The following MYO1A variants were observed in gnomAD, a reference collection of about 807,000 sequenced individuals.
MYO1A encodes unconventional myosin-Ia.
Under a neutral mutation model 138.5 loss-of-function variants are expected in MYO1A, and 127 were observed. That is an observed-to-expected ratio of 0.92 (90% confidence interval 0.79 to 1.06). MYO1A has a LOEUF of 1.06. MYO1A is among the 50% of genes least tolerant of loss of function. The pLI, the probability that MYO1A is intolerant of heterozygous loss-of-function variation, is 0.00. For synonymous variants in MYO1A, 477 were observed against 497.5 expected (o/e 0.96, Z 0.55); for missense variants, 1,211 against 1,288.8 (o/e 0.94, Z 0.92).
intron 17 of MYO1A, 78 bp downstream of exon 17, chr12:57,038,334 T>C (rs566828791): frequency 1.0e-5 from 15 of 1,482,574 alleles, no homozygotes; most frequent in African/African-American, 1.4e-5. Flanking sequence ...CACCCCCACA[T>C]GGACGTGTTC....
chr12:57,029,417 C>G lies in MYO1A; in HGVS notation c.2877+18G>C. 1 of 1,614,118 alleles carries G rather than the reference C, an allele frequency of 6.2e-7. No homozygotes were observed. ...CCACCTTCTCCAGTCCAAGGCTTGCCCCACCCAGCTCTGATACCTCACTCA... is the reference window on the plus strand; with the variant it reads ...CCACCTTCTCCAGTCCAAGGCTTGCGCCACCCAGCTCTGATACCTCACTCA... On this transcript the variant is annotated intron_variant, in intron 26 of 27. Coordinates refer to ENST00000300119, the MANE Select transcript of MYO1A (RefSeq NM_005379.4).
chr12:57,029,966 C>T (rs1363267235), intron 24 of MYO1A, 94 bp from the exon 25 acceptor site: 4 of 1,578,758 alleles, frequency 2.5e-6, no homozygotes, highest in Non-Finnish European at 3.5e-6. Flanking sequence ...GGCCCTTCCC[C>T]CACATCCACG....
rs370659968 is a variant in MYO1A at position 57,046,992 on chromosome 12, G to T, written c.478-66C>A. 90 of 1,610,336 alleles carry T rather than the reference G, an allele frequency of 5.6e-5. No homozygotes were observed. The African/African-American group carries it at 9.2e-4, about 16-fold the overall frequency. On this transcript the variant is annotated intron_variant, in intron 6 of 27. Transcript: ENST00000300119. ...CTTCTCACCACCCTGCCTGGAAGGG[G>T]TCTGTGCCACATTCCTCCCTCTTAA... is the stretch of plus-strand genomic sequence containing the variant.
At chr12:57,049,090 C>A (rs1343938659) in intron 1 of MYO1A, among the ~76,000 whole-genome samples, 1 of 152,254 alleles carries the variant, frequency 6.6e-6, no homozygotes, top group African/African-American at 2.4e-5. Context: ...CTAGCTTTTA[C>A]ACCCACTCCT....
rs755179798 is a variant in MYO1A at position 57,029,176 on chromosome 12, C to T, written c.2961G>A (p.Val987=). 3.1e-6 allele frequency: 5 copies of T among 1,614,176 alleles called. No homozygotes were observed. Among genetic ancestry groups the T allele is most frequent in the Non-Finnish European group, 4.2e-6 (5 of 1,180,028 alleles). ...IELLTKMYRA[V]LDATQRQLTV... is the part of the protein sequence containing the mutation. ...TAAGCTGCCTCTGCGTGGCATCCAGCACAGCCCGGTACATTTTGGTCAGCA... is the reference window on the plus strand; with the variant it reads ...TAAGCTGCCTCTGCGTGGCATCCAGTACAGCCCGGTACATTTTGGTCAGCA... Residue 987 remains valine (V), a synonymous_variant, in exon 27 of 28, where the codon GTG becomes GTA. Coordinates refer to ENST00000300119, the MANE Select transcript of MYO1A (RefSeq NM_005379.4).
chr12:57,040,282 C>T (rs916349479), intron 14 of MYO1A, among the ~76,000 whole-genome samples: 3 of 152,142 alleles, frequency 2.0e-5, no homozygotes, highest in Admixed American at 6.5e-5. Flanking sequence ...GATCTCGTTA[C>T]GTGATGACAA....
chr12:57,050,185 C>T (rs2031289050), upstream of MYO1A: 1 of 152,272 alleles, frequency 6.6e-6, no homozygotes, highest in African/African-American at 2.4e-5. Context: ...GGGTGTGGCT[C>T]ACTTAACCCT....
Position 57,036,807 on chromosome 12 carries a change from C to A in MYO1A, c.2239G>T (p.Val747Leu). 1 of 1,614,248 alleles carries A rather than the reference C, an allele frequency of 6.2e-7. No individual in the cohort carries two copies. ...KKCYGKIKAS[V>L]LLIQAFVRGW... ...CTCACAAAAGCCTGGATCAATAACA[C>A]GGATGCCTTTATCTTCCCATAGCAT... The change falls in exon 21 of 28, where the codon GTG (valine) becomes TTG (leucine). Residue 747 changes from valine (V) to leucine (L), a missense_variant. Coordinates refer to ENST00000300119, the MANE Select transcript of MYO1A (RefSeq NM_005379.4).
rs763324160 is a variant in MYO1A at position 57,047,615 on chromosome 12, C to G, written c.325+12G>C. ...AGGTGACTCCATGTGTTCCCCCAGCCAGGGGCCTCACCAGTCTTCCCTGAT... is the reference window on the plus strand; with the variant it reads ...AGGTGACTCCATGTGTTCCCCCAGCGAGGGGCCTCACCAGTCTTCCCTGAT... On this transcript the variant is annotated intron_variant, in intron 4 of 27. Coordinates refer to ENST00000300119, the MANE Select transcript of MYO1A (RefSeq NM_005379.4). 3 of 1,613,932 alleles carry G rather than the reference C, an allele frequency of 1.9e-6. No homozygotes were observed. The highest frequency in any genetic ancestry group is 2.5e-6 in the Non-Finnish European group (3 of 1,179,890).
chr12:57,029,713 G>A (rs1478215604), intron 25 of MYO1A, 27 bp downstream of exon 25: 2 of 1,613,340 alleles, frequency 1.2e-6, no homozygotes, highest in African/African-American at 1.3e-5. Flanking sequence ...ACTAGCTGCG[G>A]GAGGAGTTCA....
At position 57,039,209 on chromosome 12, in the gene MYO1A, C is replaced by T. The variant is rs776725410; in HGVS notation, c.1332+3G>A. The stretch of plus-strand genomic sequence containing the variant: ...TCCCACAGATAAGAGAATGACAACT[C>T]ACATGCTCAATGAGCTTACAAATGA... On this transcript the variant is annotated splice_donor_region_variant and intron_variant, in intron 15 of 27. Transcript: ENST00000300119. 2.2e-5 allele frequency: 36 copies of T among 1,613,648 alleles called. 1 individual carries two copies. In the South Asian group the frequency reaches 3.7e-4, roughly 17 times the overall value.
At chr12:57,038,350 C>T (rs74580734) in intron 17 of MYO1A, 62 bp downstream of exon 17, 124 of 1,548,754 alleles carry the variant, frequency 8.0e-5, no homozygotes, top group African/African-American at 3.3e-4. Context: ...TGTTCTACAG[C>T]GCATGGACCC....
Position 57,038,857 on chromosome 12 carries a change from G to T in MYO1A, c.1485C>A (p.Asp495Glu). ...GGAAGCAGCTGAGGCCCATGGTGTG[G>T]TCATACTGACGCTGGGCATTCTGGG... ...KVTQNAQRQY[D>E]HTMGLSCFRI... Residue 495 changes from aspartate to glutamate, a missense_variant, in exon 16 of 28, where the codon GAC (aspartate) becomes GAA (glutamate). Physicochemically the swap from Asp to Glu is conservative, Grantham distance 45 (BLOSUM62 2). Coordinates refer to ENST00000300119, the MANE Select transcript of MYO1A (RefSeq NM_005379.4). The T allele has an allele frequency of 1.2e-6, 2 of 1,614,198 alleles. No homozygotes were observed. Among genetic ancestry groups the T allele is most frequent in the Non-Finnish European group, 1.7e-6 (2 of 1,180,040 alleles).
At chr12:57,046,680 G>A (rs1340269781) in intron 7 of MYO1A, 30 bp from the exon 8 acceptor site, 3 of 1,587,238 alleles carry the variant, frequency 1.9e-6, no homozygotes, top group South Asian at 1.1e-5. Context: ...ATAATATCCT[G>A]AGGGCCTGGG....
chr12:57,030,422 G>A, intron 23 of MYO1A, 106 bp from the exon 24 acceptor site: 3 of 935,312 alleles, frequency 3.2e-6, no homozygotes, highest in South Asian at 2.8e-5. Flanking sequence ...GAGAGAGACT[G>A]AGGAAAAAGG....
Position 57,041,200 on chromosome 12 carries a change from T to C in MYO1A, c.1253A>G (p.Glu418Gly), listed in dbSNP as rs2030842321. ...TTGGTTTACTTCTCTCTTATATTCC[T>C]CTTGCTCTTCTTTCAGGGTCATCTC... Reference protein sequence around the residue: ...FIEMTLKEEQEEYKREGIPWT... With the variant: ...FIEMTLKEEQGEYKREGIPWT... The change falls in exon 14 of 28, where the codon GAG becomes GGG. Residue 418 changes from glutamate to glycine, a missense_variant. Glu to Gly is a moderately conservative substitution (Grantham distance 98). Coordinates refer to ENST00000300119, the MANE Select transcript of MYO1A (RefSeq NM_005379.4). 6.2e-7 allele frequency: 1 copy of C among 1,613,046 alleles called. No individual in the cohort carries two copies. The highest frequency in any genetic ancestry group is 1.3e-5 in the African/African-American group (1 of 74,908).
At chr12:57,042,033 G>C (rs531694259) in intron 12 of MYO1A, among the ~76,000 whole-genome samples, 34 of 152,198 alleles carry the variant, frequency 2.2e-4, no homozygotes, top group African/African-American at 8.2e-4. Flanking sequence ...CAATTCAGTG[G>C]CTTTTTAGTA....
Position 57,037,599 on chromosome 12 carries a change from C to A in MYO1A, c.2004G>T (p.Ser668=). 1 of 1,614,170 alleles carries A rather than the reference C, an allele frequency of 6.2e-7. No homozygotes were observed. The highest frequency in any genetic ancestry group is 8.5e-7 in the Non-Finnish European group (1 of 1,180,036). Residue 668 remains serine, a synonymous_variant, in exon 19 of 28, where the codon TCG becomes TCT. Coordinates refer to ENST00000300119, the MANE Select transcript of MYO1A (RefSeq NM_005379.4). ...TTGTCTTGCCAAAGGCCAGCTCCCC[C>A]GAGGACATGCTCAGCTCCCCCAGGA... is the stretch of plus-strand genomic sequence containing the variant. ...EKVLGELSMS[S]GELAFGKTKI...
intron 25 of MYO1A, 41 bp downstream of exon 25, chr12:57,029,699 C>T (rs1210638684): frequency 1.9e-6 from 3 of 1,613,984 alleles, no homozygotes; most frequent in East Asian, 4.5e-5. Context: ...GCCCACAGCT[C>T]TGCACTAGCT....
Sources: allele counts gnomAD v4.1 joint callset (sites outside exome capture counted in the v4.1 genomes callset), GRCh38; gene constraint gnomAD v4.1.1; transcripts MANE v1.5; gene names NCBI Gene and HGNC (gene_info 2026-07-23, HGNC 2026-07-21).